PRKG1: variants seen among roughly 807,000 people sequenced by gnomAD.
The protein encoded by PRKG1 is cGMP-dependent protein kinase 1.
In PRKG1, 35 loss-of-function variants were observed where a neutral mutation model predicts 88.1. That is an observed-to-expected ratio of 0.40 (90% CI 0.30 to 0.53). PRKG1 has a LOEUF of 0.53. Ranked by LOEUF, PRKG1 falls within the 20% of genes least tolerant of loss-of-function variation. The pLI, the probability that PRKG1 is intolerant of heterozygous loss-of-function variation, is 0.59. For missense variants in PRKG1, 540 were observed against 839.8 expected, an observed-to-expected ratio of 0.64 and a Z score of 4.41; for synonymous variants, 303 against 292.5, an observed-to-expected ratio of 1.04 and a Z score of -0.37.
chr10:51,263,897 TG>T (rs2132164145), intron 2 of PRKG1, among the ~76,000 whole-genome samples: 1 of 152,356 alleles, frequency 6.6e-6, no homozygotes, highest in Non-Finnish European at 1.5e-5. Context: ...CACATCACTT[TG>T]GGATTATTCT....
At chr10:52,101,080 C>A (rs1414984074) in intron 7 of PRKG1, among the ~76,000 whole-genome samples, 1 of 152,162 alleles carries the variant, frequency 6.6e-6, no homozygotes. Flanking sequence ...ATTGATGAAT[C>A]TGTCTCCTTA....
intron 2 of PRKG1, among the ~76,000 whole-genome samples, chr10:51,327,722 G>A (rs1841628341): frequency 6.6e-6 from 1 of 152,032 alleles, no homozygotes. Flanking sequence ...AATATTTTAG[G>A]CCATTTTAAC....
At chr10:51,777,336 C>G (rs1220557182) in intron 3 of PRKG1, among the ~76,000 whole-genome samples, 1 of 152,008 alleles carries the variant, frequency 6.6e-6, no homozygotes, top group Non-Finnish European at 1.5e-5. Flanking sequence ...ACTGGAAATA[C>G]CCTTCACCCT....
At chr10:52,146,868 G>A (rs1837742927) in intron 8 of PRKG1, among the ~76,000 whole-genome samples, 1 of 152,144 alleles carries the variant, frequency 6.6e-6, no homozygotes, top group African/African-American at 2.4e-5. Flanking sequence ...TTACTCTCCA[G>A]TGACAATATA....
intron 8 of PRKG1, among the ~76,000 whole-genome samples, chr10:52,141,819 G>A (rs998587888): frequency 2.6e-5 from 4 of 152,044 alleles, no homozygotes; most frequent in African/African-American, 9.7e-5. Flanking sequence ...AAGTAAAAGG[G>A]AACATACAAA....
At chr10:51,034,668 T>TTTTATATATATATATATATA (rs9299454) in intron 1 of PRKG1, among the ~76,000 whole-genome samples, 2 of 68,188 alleles carry the variant, frequency 2.9e-5, no homozygotes, top group African/African-American at 5.4e-5. Context: ...AATATGTTAT[T>TTTTATATATATATATATATA]TATATATATA....
At chr10:51,698,602 G>T in intron 3 of PRKG1, 1 of 1,613,806 alleles carries the variant, frequency 6.2e-7, no homozygotes. Flanking sequence ...TCACGGGTCC[G>T]CGAGGTATAG....
At chr10:51,974,624 C>T (rs1392070272) in intron 5 of PRKG1, among the ~76,000 whole-genome samples, 1 of 152,066 alleles carries the variant, frequency 6.6e-6, no homozygotes, top group Non-Finnish European at 1.5e-5. Context: ...TTTTGTTTAC[C>T]TAAAGACCCC....
intron 3 of PRKG1, among the ~76,000 whole-genome samples, chr10:51,777,672 A>T (rs1016853713): frequency 1.3e-5 from 2 of 152,164 alleles, no homozygotes; most frequent in Admixed American, 1.3e-4. Context: ...GGTGTTGTAC[A>T]TTCTATGGGT....
chr10:51,046,751 A>G (rs1021169418), intron 1 of PRKG1, among the ~76,000 whole-genome samples: 2 of 152,232 alleles, frequency 1.3e-5, no homozygotes, highest in Non-Finnish European at 2.9e-5. Flanking sequence ...CAACTCAGGC[A>G]GATAGCACAA....
At chr10:51,403,788 C>A (rs950989935) in intron 2 of PRKG1, among the ~76,000 whole-genome samples, 1 of 152,144 alleles carries the variant, frequency 6.6e-6, no homozygotes, top group Non-Finnish European at 1.5e-5. Context: ...TACAAACCAT[C>A]GAATTTCTTT....
intron 1 of PRKG1, among the ~76,000 whole-genome samples, chr10:51,049,985 C>G (rs1470387944): frequency 6.6e-6 from 1 of 152,078 alleles, no homozygotes; most frequent in East Asian, 1.9e-4. Flanking sequence ...TGTGGAAACT[C>G]CAGTTTCCTT....
chr10:51,490,390 C>A (rs531222584), intron 3 of PRKG1, among the ~76,000 whole-genome samples: 1 of 152,066 alleles, frequency 6.6e-6, no homozygotes, highest in Non-Finnish European at 1.5e-5. Context: ...TGAAAATTAT[C>A]TCATGCATAC....
rs73344996 is a variant in PRKG1 at position 52,201,066 on chromosome 10, C to T, written c.1076+39103C>T. 8.1e-3 allele frequency among the ~76,000 whole-genome samples: 1,234 copies of T among 152,220 alleles called. 13 individuals are homozygous for T. The highest frequency in any genetic ancestry group is 0.028 in the African/African-American group (1,172 of 41,538). ...GAAACTCTTTAGTTGAATTACGTCC[C>T]ATTTGCCAGCTTTTGTTTTTGTTGC... On this transcript the variant is annotated intron_variant, in intron 9 of 17. Transcript: ENST00000373980.
intron 2 of PRKG1, among the ~76,000 whole-genome samples, chr10:51,259,392 G>C (rs1839645859): frequency 6.6e-6 from 1 of 152,198 alleles, no homozygotes; most frequent in Non-Finnish European, 1.5e-5. Context: ...GCTGAGAACT[G>C]TGCTAAGTAA....
chr10:51,129,192 A>C (rs1039385803), intron 1 of PRKG1, among the ~76,000 whole-genome samples: 2 of 152,168 alleles, frequency 1.3e-5, no homozygotes, highest in Admixed American at 6.5e-5. Flanking sequence ...AGACATAAAC[A>C]GGGCCGGGTG....
chr10:52,103,040 T>C (rs983564932), intron 7 of PRKG1, among the ~76,000 whole-genome samples: 11 of 152,146 alleles, frequency 7.2e-5, no homozygotes, highest in African/African-American at 2.7e-4. Flanking sequence ...GGCATTAGAT[T>C]CTTATAGGAG....
At position 51,629,532 on chromosome 10, in the gene PRKG1, T is replaced by C. The variant is rs551575003; in HGVS notation, c.592+161696T>C. On this transcript the variant is annotated intron_variant, in intron 3 of 17. Transcript: ENST00000373980. ...TACACCATAATCTCATTTTGATTGC[T>C]GTCGCTGCAGAAAACCCTGCTTCAC... Among the ~76,000 whole-genome samples the C allele has an allele frequency of 1.3e-3, 199 of 152,122 alleles. 1 individual carries two copies. Among genetic ancestry groups the C allele is most frequent in the Middle Eastern group, 6.8e-3 (2 of 294 alleles).
intron 12 of PRKG1, among the ~76,000 whole-genome samples, chr10:52,280,587 A>G (rs1841982655): frequency 6.6e-6 from 1 of 152,148 alleles, no homozygotes; most frequent in Admixed American, 6.6e-5. Context: ...TTCCATTCAT[A>G]AAGACAGAGA....
Sources: gnomAD v4.1 joint callset for allele counts (sites outside exome capture counted in the v4.1 genomes callset) on GRCh38, gnomAD v4.1.1 for gene constraint, MANE v1.5 for transcripts, NCBI Gene and HGNC (gene_info 2026-07-23, HGNC 2026-07-21) for gene names.